Variants in DCC observed in about 807,000 individuals in gnomAD.
The protein encoded by DCC is DCC netrin 1 receptor.
A neutral mutation model predicts 172.5 loss-of-function variants in DCC; 58 were observed. The observed-to-expected ratio is 0.34, with a 90% CI of 0.27 to 0.42. The LOEUF is 0.42. Ranked by LOEUF, DCC falls within the 10% of genes least tolerant of loss-of-function variation. DCC has a pLI of 1.00. For synonymous variants in DCC, 709 were observed against 644.5 expected (o/e 1.10, Z -1.52); for missense variants, 1,740 against 1,791.0 (o/e 0.97, Z 0.51).
chr18:53,030,363 A>G (rs1024295371), intron 5 of DCC, among the ~76,000 whole-genome samples: 1 of 152,124 alleles, frequency 6.6e-6, no homozygotes, highest in African/African-American at 2.4e-5. Flanking sequence ...TATATACTCA[A>G]TAAAGTGTGT....
At chr18:53,133,086 T>C (rs1296498728) in intron 7 of DCC, among the ~76,000 whole-genome samples, 1 of 152,208 alleles carries the variant, frequency 6.6e-6, no homozygotes, top group Non-Finnish European at 1.5e-5. Context: ...TCTAAATTTC[T>C]ACATACTCTA....
At chr18:53,093,004 C>G (rs374277386) in intron 7 of DCC, among the ~76,000 whole-genome samples, 2 of 152,210 alleles carry the variant, frequency 1.3e-5, no homozygotes, top group African/African-American at 4.8e-5. Context: ...GGTGTAATGA[C>G]TTATGCTTAT....
intron 2 of DCC, among the ~76,000 whole-genome samples, chr18:52,872,635 G>T (rs1056917376): frequency 6.6e-6 from 1 of 152,188 alleles, no homozygotes; most frequent in African/African-American, 2.4e-5. Flanking sequence ...TGCATGGTCT[G>T]TGATAGACAT....
chr18:52,619,090 G>A (rs991369088), intron 1 of DCC, among the ~76,000 whole-genome samples: 1 of 152,048 alleles, frequency 6.6e-6, no homozygotes, highest in Non-Finnish European at 1.5e-5. Flanking sequence ...GGCATGCACC[G>A]CTATGCCCAG....
At chr18:52,591,444 T>C (rs1341439649) in intron 1 of DCC, among the ~76,000 whole-genome samples, 1 of 152,176 alleles carries the variant, frequency 6.6e-6, no homozygotes, top group Non-Finnish European at 1.5e-5. Flanking sequence ...TGCATGAAAG[T>C]CAATTATAAC....
At chr18:52,340,974 T>C in intron 1 of DCC, 96 bp downstream of exon 1, 3 of 994,598 alleles carry the variant, frequency 3.0e-6, no homozygotes, top group Non-Finnish European at 4.8e-6. Context: ...GGGTGGGGGA[T>C]AGCAAGAGAT....
At chr18:53,181,808 G>A (rs998895459) in intron 9 of DCC, among the ~76,000 whole-genome samples, 2 of 152,140 alleles carry the variant, frequency 1.3e-5, no homozygotes, top group Admixed American at 6.5e-5. Context: ...AAAACAACTC[G>A]AGTAGGGGAA....
chr18:52,528,885 C>G (rs1455974999), intron 1 of DCC, among the ~76,000 whole-genome samples: 2 of 152,184 alleles, frequency 1.3e-5, no homozygotes, highest in South Asian at 2.1e-4. Context: ...TCCAGTTAGG[C>G]CACCAGTTAT....
intron 14 of DCC, among the ~76,000 whole-genome samples, chr18:53,330,232 G>T (rs8082757): frequency 0.083 from 12,702 of 152,178 alleles, 579 homozygotes; most frequent in Middle Eastern, 0.16. Context: ...GAGGTTTTGA[G>T]CTGATCTTTC....
intron 1 of DCC, among the ~76,000 whole-genome samples, chr18:52,435,370 T>G (rs1357399698): frequency 6.6e-6 from 1 of 152,162 alleles, no homozygotes; most frequent in Non-Finnish European, 1.5e-5. Context: ...AGCCCTTCTC[T>G]ATTTCATAAT....
intron 1 of DCC, among the ~76,000 whole-genome samples, chr18:52,471,641 A>T (rs1988948743): frequency 6.6e-6 from 1 of 152,228 alleles, no homozygotes; most frequent in Admixed American, 6.5e-5. Context: ...AGGGACAAAA[A>T]ATTATATAGA....
At chr18:52,992,603 A>T (rs1370081214) in intron 5 of DCC, among the ~76,000 whole-genome samples, 1 of 152,120 alleles carries the variant, frequency 6.6e-6, no homozygotes, top group African/African-American at 2.4e-5. Context: ...CTTAATAGAT[A>T]AAGAGTTGCT....
intron 7 of DCC, among the ~76,000 whole-genome samples, chr18:53,073,671 A>G (rs568461343): frequency 3.9e-4 from 59 of 152,204 alleles, no homozygotes; most frequent in Non-Finnish European, 7.4e-4. Context: ...AAGCATTATC[A>G]ATTATCTGTC....
chr18:52,501,775 T>C (rs2031031790), intron 1 of DCC, among the ~76,000 whole-genome samples: 1 of 152,190 alleles, frequency 6.6e-6, no homozygotes, highest in Non-Finnish European at 1.5e-5. Context: ...TAGTTGTTGC[T>C]TAGGGCACAT....
intron 2 of DCC, among the ~76,000 whole-genome samples, chr18:52,771,725 A>T (rs2037346827): frequency 6.6e-6 from 1 of 152,190 alleles, no homozygotes; most frequent in African/African-American, 2.4e-5. Context: ...CTTAGCCAAA[A>T]GGCCAAGTAG....
intron 5 of DCC, among the ~76,000 whole-genome samples, chr18:52,956,705 A>G (rs369791671): frequency 6.6e-6 from 1 of 152,174 alleles, no homozygotes; most frequent in Non-Finnish European, 1.5e-5. Flanking sequence ...ACGTCTTCAC[A>G]CAATCAGTCA....
intron 1 of DCC, among the ~76,000 whole-genome samples, chr18:52,657,798 G>A (rs988165622): frequency 4.6e-5 from 7 of 152,092 alleles, no homozygotes; most frequent in Admixed American, 3.9e-4. Context: ...TTTCCTTAGT[G>A]CTAGCATTTT....
intron 2 of DCC, among the ~76,000 whole-genome samples, chr18:52,770,481 T>C (rs2145164850): frequency 6.6e-6 from 1 of 152,372 alleles, no homozygotes. Context: ...ATTATTTGTT[T>C]AGCACATGCC....
chr18:52,536,887 T>A (rs1185545671), intron 1 of DCC, among the ~76,000 whole-genome samples: 1 of 152,236 alleles, frequency 6.6e-6, no homozygotes. Flanking sequence ...TTTAAAGTTC[T>A]GTATTGTGGC....
Sources: allele counts gnomAD v4.1 joint callset (sites outside exome capture counted in the v4.1 genomes callset), GRCh38; gene constraint gnomAD v4.1.1; transcripts MANE v1.5; gene names NCBI Gene and HGNC (gene_info 2026-07-23, HGNC 2026-07-21).